The following GTF2F2 variants were observed in gnomAD, a reference collection of about 807,000 sequenced individuals.
The protein encoded by GTF2F2 is general transcription factor IIF subunit 2.
GTF2F2 carries 23 observed loss-of-function variants against 42.2 expected under a neutral mutation model. The ratio of observed to expected loss-of-function variants is 0.55; its 90% CI spans 0.39 to 0.77. GTF2F2 has a LOEUF of 0.77. Among genes scored for constraint, GTF2F2 ranks in the 30% least tolerant of loss-of-function variants. The pLI is 0.00. For missense variants in GTF2F2, 261 were observed against 287.2 expected (o/e 0.91, Z 0.66); for synonymous variants, 105 against 100.8 (o/e 1.04, Z -0.25).
At chr13:45,254,644 T>G (rs1876024256) in intron 6 of GTF2F2, among the ~76,000 whole-genome samples, 1 of 152,200 alleles carries the variant, frequency 6.6e-6, no homozygotes, top group African/African-American at 2.4e-5. Context: ...GCAGTCTAGC[T>G]TAGGAGCCAT....
intron 4 of GTF2F2, among the ~76,000 whole-genome samples, chr13:45,204,544 A>G (rs796347079): frequency 3.1e-4 from 47 of 152,370 alleles, no homozygotes; most frequent in African/African-American, 1.1e-3. Context: ...AAATACTTTT[A>G]AAATAAAATT....
At chr13:45,250,550 A>G (rs1267412130) in intron 5 of GTF2F2, among the ~76,000 whole-genome samples, 4 of 152,046 alleles carry the variant, frequency 2.6e-5, no homozygotes, top group African/African-American at 7.2e-5. Flanking sequence ...TATGTCTCCA[A>G]CCTCTAACCC....
intron 4 of GTF2F2, among the ~76,000 whole-genome samples, chr13:45,200,017 T>A (rs568443625): frequency 1.3e-5 from 2 of 152,206 alleles, no homozygotes; most frequent in South Asian, 4.1e-4. Context: ...ATCACACATT[T>A]TTTTCATATT....
At chr13:45,167,172 A>G (rs1437204647) in intron 4 of GTF2F2, among the ~76,000 whole-genome samples, 1 of 148,386 alleles carries the variant, frequency 6.7e-6, no homozygotes, top group African/African-American at 2.5e-5. Flanking sequence ...ATCATTAGCT[A>G]TTTCAAAATA....
At chr13:45,129,410 A>G (rs182923395) in intron 1 of GTF2F2, among the ~76,000 whole-genome samples, 15 of 152,078 alleles carry the variant, frequency 9.9e-5, no homozygotes, top group Admixed American at 2.6e-4. Context: ...GGGTTTTGCA[A>G]TGTTGCCCAG....
chr13:45,179,128 T>C (rs978090705), intron 4 of GTF2F2, among the ~76,000 whole-genome samples: 6 of 152,176 alleles, frequency 3.9e-5, no homozygotes, highest in Non-Finnish European at 8.8e-5. Context: ...CATCTGTTGG[T>C]CACAGCAAGT....
Position 45,254,328 on chromosome 13 carries a change from G to A in GTF2F2, c.486+1358G>A, listed in dbSNP as rs75869348. Among the ~76,000 whole-genome samples the A allele has an allele frequency of 3.0e-3, 461 of 152,234 alleles. 2 individuals carry two copies. Among genetic ancestry groups the A allele is most frequent in the Non-Finnish European group, 5.6e-3 (380 of 68,002 alleles). On this transcript the variant is annotated intron_variant, in intron 6 of 7. Transcript: ENST00000340473. ...ATCCACAATTTCAGGCACCAAGTGGGGCAGGGAGGTGTCTTGCAACATATC... is the reference window on the plus strand; with the variant it reads ...ATCCACAATTTCAGGCACCAAGTGGAGCAGGGAGGTGTCTTGCAACATATC...
At chr13:45,229,997 C>A (rs1394540036) in intron 5 of GTF2F2, among the ~76,000 whole-genome samples, 2 of 152,094 alleles carry the variant, frequency 1.3e-5, no homozygotes, top group African/African-American at 4.8e-5. Context: ...GGGCAGATCG[C>A]TTGAGGTCAG....
At chr13:45,191,255 A>ATATATATATATATATATG (rs1260872563) in intron 4 of GTF2F2, among the ~76,000 whole-genome samples, 1 of 136,524 alleles carries the variant, frequency 7.3e-6, no homozygotes, top group African/African-American at 3.0e-5. Flanking sequence ...ATATATATAT[A>ATATATATATATATATATG]GCCATAATCT....
intron 1 of GTF2F2, among the ~76,000 whole-genome samples, chr13:45,127,285 T>G (rs1869064118): frequency 6.6e-6 from 1 of 152,078 alleles, no homozygotes; most frequent in Admixed American, 6.6e-5. Context: ...AGCTGCAAAC[T>G]TGTTTTTGTC....
At chr13:45,125,518 CTG>C (rs1307369789) in intron 1 of GTF2F2, among the ~76,000 whole-genome samples, 1 of 152,134 alleles carries the variant, frequency 6.6e-6, no homozygotes, top group Non-Finnish European at 1.5e-5. Flanking sequence ...CGGGGTTTCA[CTG>C]TGTTGGCCAG....
chr13:45,147,285 C>G (rs1446768765), intron 2 of GTF2F2, among the ~76,000 whole-genome samples: 1 of 152,210 alleles, frequency 6.6e-6, no homozygotes, highest in African/African-American at 2.4e-5. Context: ...TTCAAGCTGT[C>G]TTTACTTTCT....
intron 2 of GTF2F2, among the ~76,000 whole-genome samples, chr13:45,145,880 T>C (rs141481610): frequency 6.6e-4 from 100 of 152,300 alleles, no homozygotes; most frequent in Admixed American, 1.9e-3. Flanking sequence ...CTGAGGTTTC[T>C]CCCCTCCTCC....
intron 2 of GTF2F2, among the ~76,000 whole-genome samples, chr13:45,143,157 T>C (rs1870015569): frequency 6.6e-6 from 1 of 152,174 alleles, no homozygotes; most frequent in East Asian, 1.9e-4. Context: ...TAAGAGAAGA[T>C]GTAGGGCAGA....
At chr13:45,140,689 T>C (rs570734942) in intron 2 of GTF2F2, among the ~76,000 whole-genome samples, 1 of 152,366 alleles carries the variant, frequency 6.6e-6, no homozygotes, top group African/African-American at 2.4e-5. Flanking sequence ...AGGTTTTTTT[T>C]CCCTCAATGT....
At chr13:45,212,199 A>G (rs988971039) in intron 5 of GTF2F2, among the ~76,000 whole-genome samples, 1 of 152,228 alleles carries the variant, frequency 6.6e-6, no homozygotes, top group African/African-American at 2.4e-5. Flanking sequence ...TTTCATAAAC[A>G]TGCTCACAAT....
At chr13:45,199,785 A>G (rs1354580072) in intron 4 of GTF2F2, among the ~76,000 whole-genome samples, 1 of 152,196 alleles carries the variant, frequency 6.6e-6, no homozygotes, top group Non-Finnish European at 1.5e-5. Flanking sequence ...TTAGGAAGTA[A>G]ATGACTAAAG....
At position 45,245,710 on chromosome 13, in the gene GTF2F2, TAC is replaced by T. The variant is rs1395400954; in HGVS notation, c.387-7146_387-7145del. On this transcript the variant is annotated intron_variant, in intron 5 of 7. Coordinates refer to ENST00000340473, the MANE Select transcript of GTF2F2 (RefSeq NM_004128.3). ...ATATATATATATATATACATATACATACACACACACACACACCACATTTTGTT... is the reference window on the plus strand; with the variant it reads ...ATATATATATATATATACATATACATACACACACACACACCACATTTTGTT... Among the ~76,000 whole-genome samples the T allele has an allele frequency of 5.0e-5, 7 of 139,640 alleles. 1 individual carries two copies. Among genetic ancestry groups the T allele is most frequent in the Admixed American group, 2.9e-4 (4 of 13,770 alleles). 91.6% of individuals were successfully genotyped at this position (139,640 alleles called of 152,430 possible).
chr13:45,238,800 C>T (rs7328976), intron 5 of GTF2F2, among the ~76,000 whole-genome samples: 5,151 of 151,768 alleles, frequency 0.034, 265 homozygotes, highest in African/African-American at 0.11. Flanking sequence ...CAAAATTAGC[C>T]GGGTGTGGTG....
Sources: allele counts gnomAD v4.1 joint callset (sites outside exome capture counted in the v4.1 genomes callset), GRCh38; gene constraint gnomAD v4.1.1; transcripts MANE v1.5; gene names NCBI Gene and HGNC (gene_info 2026-07-23, HGNC 2026-07-21).